ANKRD44: variants seen among roughly 807,000 people sequenced by gnomAD.
ANKRD44 encodes ankyrin repeat domain 44, also known as serine/threonine-protein phosphatase 6 regulatory ankyrin repeat subunit B.
ANKRD44 carries 35 observed loss-of-function variants against 116.0 expected under a neutral mutation model. The ratio of observed to expected loss-of-function variants is 0.30; its 90% CI spans 0.23 to 0.40. ANKRD44 has a LOEUF of 0.40. Among genes scored for constraint, ANKRD44 ranks in the 10% least tolerant of loss-of-function variants. ANKRD44 has a pLI of 1.00. For missense variants in ANKRD44, 1,014 were observed against 1,242.6 expected (o/e 0.82, Z 2.77); for synonymous variants, 435 against 461.8 (o/e 0.94, Z 0.74).
chr2:197,166,150 T>C (rs2080096843), intron 2 of ANKRD44, among the ~76,000 whole-genome samples: 1 of 152,196 alleles, frequency 6.6e-6, no homozygotes, highest in Non-Finnish European at 1.5e-5. Context: ...AATGGTCCAG[T>C]TCAGTACAAC....
At chr2:197,195,117 G>A (rs1315391682) in intron 1 of ANKRD44, among the ~76,000 whole-genome samples, 1 of 152,062 alleles carries the variant, frequency 6.6e-6, no homozygotes, top group Non-Finnish European at 1.5e-5. Flanking sequence ...TTCAGACTAT[G>A]GGCACAGGCC....
intron 1 of ANKRD44, among the ~76,000 whole-genome samples, chr2:197,198,354 G>T (rs1194739202): frequency 6.6e-6 from 1 of 152,146 alleles, no homozygotes; most frequent in African/African-American, 2.4e-5. Flanking sequence ...TCTAAAAATG[G>T]ATTGTATGAT....
rs1296826960 is a variant in ANKRD44, at chr2:197,163,292, GTCCCCTCC to G, written c.112-16195_112-16188del. 4.6e-5 allele frequency among the ~76,000 whole-genome samples: 7 copies of G among 152,296 alleles called. No homozygotes were observed. The East Asian group carries it at 9.7e-4, about 21-fold the overall frequency. ...TTCCACAGCAACGATGCTCACCTGTGTCCCCTCCTATGAGGGCTGCCTGCTGTGCAGTT... is the reference window on the plus strand; with the variant it reads ...TTCCACAGCAACGATGCTCACCTGTGTATGAGGGCTGCCTGCTGTGCAGTT... On this transcript the variant is annotated intron_variant, in intron 2 of 27. Coordinates refer to ENST00000282272, the MANE Select transcript of ANKRD44 (RefSeq NM_001195144.2).
intron 16 of ANKRD44, among the ~76,000 whole-genome samples, chr2:197,038,500 T>C (rs1391320370): frequency 5.9e-5 from 9 of 152,224 alleles, no homozygotes; most frequent in Non-Finnish European, 1.2e-4. Flanking sequence ...TACAAGGTGA[T>C]GAAATCACTT....
chr2:197,019,947 C>A (rs924867243), intron 17 of ANKRD44, among the ~76,000 whole-genome samples: 1 of 152,044 alleles, frequency 6.6e-6, no homozygotes, highest in Non-Finnish European at 1.5e-5. Flanking sequence ...CAGGTGCACG[C>A]CACCATGCCC....
chr2:197,078,656 GTA>G (rs749748092), intron 16 of ANKRD44, 45 bp downstream of exon 16: 6 of 1,599,158 alleles, frequency 3.8e-6, no homozygotes, highest in African/African-American at 2.7e-5. Flanking sequence ...GTGATTTGGG[GTA>G]TGTGTGTGTG....
At chr2:197,242,854 A>G (rs2082118658) in intron 1 of ANKRD44, among the ~76,000 whole-genome samples, 1 of 152,172 alleles carries the variant, frequency 6.6e-6, no homozygotes, top group African/African-American at 2.4e-5. Flanking sequence ...GAAACAGGGG[A>G]ATTAAGTCAG....
chr2:197,182,557 C>T (rs1026727219), intron 2 of ANKRD44, among the ~76,000 whole-genome samples: 5 of 152,154 alleles, frequency 3.3e-5, no homozygotes, highest in African/African-American at 4.8e-5. Flanking sequence ...CTGGACTAGG[C>T]GATTGAGCAG....
At chr2:196,982,729 A>G (rs559739621), downstream of ANKRD44, among the ~76,000 whole-genome samples, 295 of 152,290 alleles carry the variant, frequency 1.9e-3, 2 homozygotes, top group African/African-American at 6.9e-3. Context: ...TGGCTACCTA[A>G]TTGGTCACTA....
chr2:197,125,979 C>T lies in ANKRD44; in HGVS notation c.320G>A (p.Trp107Ter), dbSNP rs1035439747. Residue 107 changes from tryptophan (W) to a stop codon, truncating the protein, a stop_gained, in exon 5 of 28, where the codon TGG becomes TAG. Coordinates refer to ENST00000282272, the MANE Select transcript of ANKRD44 (RefSeq NM_001195144.2). LOFTEE classifies it high-confidence loss of function. ...TGCTGCCACATGAAGAGGGGTCTGCCAGTTCTTGTCCCTTGCATTGACATC... is the reference window on the plus strand; with the variant it reads ...TGCTGCCACATGAAGAGGGGTCTGCTAGTTCTTGTCCCTTGCATTGACATC... Reference protein sequence around the residue: ...SADVNARDKNWQTPLHVAAAN... With the variant: ...SADVNARDKN The T allele has an allele frequency of 6.2e-7, 1 of 1,614,232 alleles. No homozygotes were observed. Among genetic ancestry groups the T allele is most frequent in the African/African-American group, 1.3e-5 (1 of 75,062 alleles).
intron 2 of ANKRD44, 69 bp from the exon 3 acceptor site, chr2:197,147,174 T>A: frequency 7.6e-7 from 1 of 1,313,978 alleles, no homozygotes; most frequent in Non-Finnish European, 1.1e-6. Flanking sequence ...GTAGACATAG[T>A]AAGACGTGTC....
In ANKRD44 at chr2:197,008,979, G is replaced by A. The variant is rs750542777; in HGVS notation, c.1977C>T (p.Asn659=). Residue 659 remains asparagine, a synonymous_variant, in exon 19 of 28, where the codon AAC becomes AAT. Transcript: ENST00000282272. ...CATCTTTCACATCGACCGCCTCCGG[G>A]TTGTCTGCAATTTCTAGCAACAGCC... ...CLRLLLEIAD[N]PEAVDVKDAK... is the part of the protein sequence containing the mutation. 2 of 1,614,128 alleles carry A rather than the reference G, an allele frequency of 1.2e-6. No homozygotes were observed. Among genetic ancestry groups the A allele is most frequent in the Admixed American group, 3.3e-5 (2 of 60,026 alleles).
intron 3 of ANKRD44, among the ~76,000 whole-genome samples, chr2:197,142,372 G>A (rs1035018438): frequency 2.0e-5 from 3 of 152,140 alleles, no homozygotes; most frequent in African/African-American, 7.2e-5. Flanking sequence ...CTAAAGTTTG[G>A]CTTTTAATTG....
intron 1 of ANKRD44, among the ~76,000 whole-genome samples, chr2:197,230,403 C>T (rs183105814): frequency 1.3e-5 from 2 of 152,040 alleles, no homozygotes; most frequent in Non-Finnish European, 2.9e-5. Flanking sequence ...CCCAAAGGGC[C>T]AGATGAAAGG....
chr2:197,013,753 A>C (rs750903115), intron 17 of ANKRD44, 41 bp from the exon 18 acceptor site: 30 of 1,604,640 alleles, frequency 1.9e-5, no homozygotes, highest in Non-Finnish European at 1.9e-5. Context: ...TTGCTCGCTC[A>C]CCTCAAATCC....
intron 25 of ANKRD44, among the ~76,000 whole-genome samples, 174 bp from the exon 26 acceptor site, chr2:196,995,635 T>C (rs1398878997): frequency 1.3e-5 from 2 of 152,156 alleles, no homozygotes; most frequent in Non-Finnish European, 2.9e-5. Context: ...CTCCAGACAC[T>C]CTAAGAGTCC....
downstream of ANKRD44, among the ~76,000 whole-genome samples, chr2:196,983,636 A>G (rs765646022): frequency 2.1e-4 from 32 of 152,218 alleles, no homozygotes; most frequent in Non-Finnish European, 2.2e-4. Context: ...TTTGTGCTCT[A>G]AAAGTACTGC....
chr2:197,218,783 G>A (rs2081514011), intron 1 of ANKRD44, among the ~76,000 whole-genome samples: 1 of 44,584 alleles, frequency 2.2e-5, no homozygotes, highest in Non-Finnish European at 4.2e-5. Context: ...TTTTTGAGAT[G>A]GAGTCTTGCT....
Position 196,995,393 on chromosome 2 carries a change from AT to A in ANKRD44, c.2816del (p.Asn939IlefsTer16), listed in dbSNP as rs1408961377. 3 of 1,611,930 alleles carry A rather than the reference AT, an allele frequency of 1.9e-6. No homozygotes were observed. Among genetic ancestry groups the A allele is most frequent in the Admixed American group, 1.7e-5 (1 of 59,836 alleles). Reference sequence around the variant, plus strand: ...GTTACACTTACGTCTGCAGTGCATTATTTTTTTCATTAATAAGGCTCTCGTC... The same window carrying A: ...GTTACACTTACGTCTGCAGTGCATTATTTTTTCATTAATAAGGCTCTCGTC... ...IQDESLINEK[N>X]NALQTPLHVA... is the part of the protein sequence containing the mutation. On this transcript the variant is annotated frameshift_variant, in exon 26 of 28. Transcript: ENST00000282272. LOFTEE classifies it high-confidence loss of function.
Sources: allele counts gnomAD v4.1 joint callset (sites outside exome capture counted in the v4.1 genomes callset), GRCh38; gene constraint gnomAD v4.1.1; transcripts MANE v1.5; gene names NCBI Gene and HGNC (gene_info 2026-07-23, HGNC 2026-07-21).